Variants in CLIP2 observed in about 807,000 individuals in gnomAD.
CLIP2 encodes the protein CAP-Gly domain containing linker protein 2, also known as CAP-Gly domain-containing linker protein 2.
In CLIP2, 41 loss-of-function variants were observed where a neutral mutation model predicts 111.7. The ratio of observed to expected loss-of-function variants is 0.37; its 90% CI spans 0.29 to 0.48. The LOEUF (loss-of-function observed/expected upper bound fraction) is 0.48. Ranked by LOEUF, CLIP2 falls within the 20% of genes least tolerant of loss-of-function variation. The probability of loss-of-function intolerance (pLI) is 0.99; values close to 1 mark genes in which losing one functional copy is unlikely to be tolerated. For missense variants in CLIP2, 1,160 were observed against 1,422.1 expected (o/e 0.82, Z 2.96); for synonymous variants, 660 against 644.2 (o/e 1.02, Z -0.37).
At position 74,386,622 on chromosome 7, in the gene CLIP2, A is replaced by G. The variant is rs781896556; in HGVS notation, c.2563+18A>G. On this transcript the variant is annotated intron_variant, in intron 12 of 16. Coordinates refer to ENST00000223398, the MANE Select transcript of CLIP2 (RefSeq NM_003388.5). ...AGTAAGTGGTAAGTCTCCCTCCCGC[A>G]GGGCAGATGCGGGGGGCTTTCACTG... 6.3e-7 allele frequency: 1 copy of G among 1,583,116 alleles called. No homozygotes were observed. Among genetic ancestry groups the G allele is most frequent in the South Asian group, 1.1e-5 (1 of 87,038 alleles).
intron 1 of CLIP2, among the ~76,000 whole-genome samples, 185 bp from the exon 2 acceptor site, chr7:74,317,295 C>G (rs1554729254): frequency 6.6e-6 from 1 of 152,064 alleles, no homozygotes; most frequent in African/African-American, 2.4e-5. Flanking sequence ...GGGGTGCGTG[C>G]TGGGATGGTG....
chr7:74,314,231 C>T (rs535386832), intron 1 of CLIP2, among the ~76,000 whole-genome samples: 175 of 150,722 alleles, frequency 1.2e-3, no homozygotes, highest in African/African-American at 4.1e-3. Flanking sequence ...TGGCTCATGC[C>T]TGTAATCCCT....
intron 3 of CLIP2, among the ~76,000 whole-genome samples, chr7:74,351,006 A>AAG (rs150657072): frequency 2.2e-4 from 30 of 135,586 alleles, no homozygotes; most frequent in South Asian, 4.8e-4. Context: ...GAAGGAGAGA[A>AAG]AGAAAGAAGG....
At chr7:74,294,763 C>T (rs1363122366) in intron 1 of CLIP2, among the ~76,000 whole-genome samples, 12 of 152,168 alleles carry the variant, frequency 7.9e-5, no homozygotes, top group African/African-American at 1.4e-4. Flanking sequence ...GGAAGACATC[C>T]GCCCTGCTTC....
In CLIP2 at chr7:74,338,360, C is replaced by A; in HGVS notation, c.122-88C>A. On this transcript the variant is annotated intron_variant, in intron 2 of 16. Coordinates refer to ENST00000223398, the MANE Select transcript of CLIP2 (RefSeq NM_003388.5). The surrounding 1 kb of genome is among the most constrained non-coding windows in gnomAD (Gnocchi z 4.3). ...CTACCCAAAAATACAAATCAGCCACCTCCCAACCCTAGACTCTGTGCTCCT... is the reference window on the plus strand; with the variant it reads ...CTACCCAAAAATACAAATCAGCCACATCCCAACCCTAGACTCTGTGCTCCT... 2 of 1,401,550 alleles carry A rather than the reference C, an allele frequency of 1.4e-6. No individual in the cohort carries two copies. Among genetic ancestry groups the A allele is most frequent in the Non-Finnish European group, 9.6e-7 (1 of 1,040,380 alleles). 86.8% of individuals were successfully genotyped at this position (1,401,550 alleles called of 1,614,324 possible).
intron 2 of CLIP2, among the ~76,000 whole-genome samples, chr7:74,320,042 C>G (rs1350508425): frequency 4.0e-5 from 6 of 148,526 alleles, no homozygotes; most frequent in Non-Finnish European, 8.9e-5. Context: ...ATGATGAAAC[C>G]CTGTCTCTAC....
chr7:74,393,777 C>T (rs1554316250), intron 13 of CLIP2, among the ~76,000 whole-genome samples: 1 of 152,330 alleles, frequency 6.6e-6, no homozygotes, highest in East Asian at 1.9e-4. Context: ...TAACACCTTT[C>T]TAGAAACTGT....
At position 74,338,308 on chromosome 7, in the gene CLIP2, C is replaced by T. The variant is rs1584339151; in HGVS notation, c.122-140C>T. On this transcript the variant is annotated intron_variant, in intron 2 of 16. Transcript: ENST00000223398. This position sits in a 1 kb window ranked among gnomAD's most constrained non-coding sequence, Gnocchi z 4.3. ...CTTGAGGTCAGGAGTTCGAGACCAGCCTGGCCGAGATGGTGAAACCCCATC... is the reference window on the plus strand; with the variant it reads ...CTTGAGGTCAGGAGTTCGAGACCAGTCTGGCCGAGATGGTGAAACCCCATC... 4.2e-6 allele frequency: 4 copies of T among 957,408 alleles called. No homozygotes were observed. The highest frequency in any genetic ancestry group is 6.0e-6 in the Non-Finnish European group (4 of 662,100). 59.3% of individuals were successfully genotyped at this position (957,408 alleles called of 1,614,324 possible).
intron 11 of CLIP2, among the ~76,000 whole-genome samples, chr7:74,383,072 C>A (rs1449052336): frequency 4.8e-5 from 7 of 146,644 alleles, no homozygotes; most frequent in Admixed American, 4.1e-4. Context: ...AGAGTGAGAC[C>A]CTGTCACCAA....
intron 2 of CLIP2, among the ~76,000 whole-genome samples, chr7:74,328,907 T>C (rs1232614737): frequency 6.6e-6 from 1 of 150,552 alleles, no homozygotes; most frequent in Non-Finnish European, 1.5e-5. Context: ...TTTTGTATTA[T>C]TATTTATATA....
At chr7:74,396,329 A>G (rs571062851) in intron 13 of CLIP2, among the ~76,000 whole-genome samples, 1 of 152,248 alleles carries the variant, frequency 6.6e-6, no homozygotes, top group African/African-American at 2.4e-5. Context: ...TGGGAAGCCA[A>G]GGCGGGAGGA....
intron 5 of CLIP2, 91 bp downstream of exon 5, chr7:74,356,714 C>G: frequency 8.3e-7 from 1 of 1,210,626 alleles, no homozygotes; most frequent in South Asian, 1.3e-5. Flanking sequence ...CTGCCCCTGA[C>G]TTACTCTAGT....
chr7:74,333,788 T>G (rs1454387002), intron 2 of CLIP2, among the ~76,000 whole-genome samples: 4 of 152,120 alleles, frequency 2.6e-5, no homozygotes, highest in Non-Finnish European at 5.9e-5. Context: ...CAGCCTCATG[T>G]GAGGTTTAAG....
intron 2 of CLIP2, among the ~76,000 whole-genome samples, chr7:74,325,412 C>G (rs1789081398): frequency 6.6e-6 from 1 of 152,046 alleles, no homozygotes; most frequent in Non-Finnish European, 1.5e-5. Flanking sequence ...GAGGCTGGTG[C>G]AGACAGGGTG....
At chr7:74,313,949 G>A (rs558008363) in intron 1 of CLIP2, among the ~76,000 whole-genome samples, 12 of 152,242 alleles carry the variant, frequency 7.9e-5, no homozygotes, top group African/African-American at 1.7e-4. Context: ...TTGGGAAGCC[G>A]AGGCGGTAGA....
At chr7:74,359,664 T>G (rs1790269424) in intron 6 of CLIP2, among the ~76,000 whole-genome samples, 1 of 152,160 alleles carries the variant, frequency 6.6e-6, no homozygotes, top group Non-Finnish European at 1.5e-5. Context: ...CCATTTCAGA[T>G]TATTTTTTTG....
chr7:74,350,388 A>G (rs2528992), intron 3 of CLIP2, among the ~76,000 whole-genome samples: 105,856 of 151,782 alleles, frequency 0.7, 37,489 homozygotes, highest in East Asian at 0.82. Context: ...TTTATTTTTT[A>G]TAGAGATGAG....
At chr7:74,291,513 C>A (rs1360225961) in intron 1 of CLIP2, among the ~76,000 whole-genome samples, 1 of 152,174 alleles carries the variant, frequency 6.6e-6, no homozygotes, top group Non-Finnish European at 1.5e-5. Context: ...CTCTCTGCCT[C>A]GACATCCTCA....
At position 74,338,847 on chromosome 7, in the gene CLIP2, G is replaced by A; in HGVS notation, c.521G>A (p.Gly174Asp). 1.2e-6 allele frequency: 2 copies of A among 1,609,748 alleles called. No individual in the cohort carries two copies. The highest frequency in any genetic ancestry group is 1.1e-5 in the South Asian group (1 of 91,086). ...LTAQNLSLHS[G>D]TATPPLTSRV... ...GCCCAGAACCTGTCATTGCATTCGG[G>A]CACGGCCACGCCCCCGCTGACCAGC... is the stretch of plus-strand genomic sequence containing the variant. Residue 174 changes from glycine (G) to aspartate (D), a missense_variant, in exon 3 of 17, where the codon GGC (glycine) becomes GAC (aspartate). Gly to Asp is a moderately conservative substitution (Grantham distance 94). Coordinates refer to ENST00000223398, the MANE Select transcript of CLIP2 (RefSeq NM_003388.5). This position sits in a 1 kb window ranked among gnomAD's most constrained non-coding sequence, Gnocchi z 4.3.
Sources: gnomAD v4.1 joint callset for allele counts (sites outside exome capture counted in the v4.1 genomes callset) on GRCh38, gnomAD v4.1.1 for gene constraint, Gnocchi (gnomAD v3.1) non-coding constraint, MANE v1.5 for transcripts, NCBI Gene and HGNC (gene_info 2026-07-23, HGNC 2026-07-21) for gene names.